LINGO2: variants seen among roughly 807,000 people sequenced by gnomAD.
The protein encoded by LINGO2 is leucine-rich repeat and immunoglobulin-like domain-containing nogo receptor-interacting protein 2.
Under a neutral mutation model 30.6 loss-of-function variants are expected in LINGO2, and 14 were observed. The ratio of observed to expected loss-of-function variants is 0.46; its 90% CI spans 0.30 to 0.72. The LOEUF is 0.72. Ranked by LOEUF, LINGO2 falls within the 30% of genes least tolerant of loss-of-function variation. The probability of loss-of-function intolerance (pLI) is 0.07; values close to 1 mark genes in which losing one functional copy is unlikely to be tolerated. For missense variants in LINGO2, 729 were observed against 751.7 expected, an observed-to-expected ratio of 0.97 and a Z score of 0.35; for synonymous variants, 317 against 288.5, an observed-to-expected ratio of 1.10 and a Z score of -1.00.
chr9:28,326,068 G>A (rs140633022), intron 3 of LINGO2, among the ~76,000 whole-genome samples: 2,398 of 152,236 alleles, frequency 0.016, 16 homozygotes, highest in Non-Finnish European at 0.024. Flanking sequence ...GTGCAGTGGC[G>A]TGATCTTGGC....
intron 4 of LINGO2, among the ~76,000 whole-genome samples, chr9:28,151,606 T>C (rs1233737269): frequency 2.0e-5 from 3 of 151,844 alleles, no homozygotes; most frequent in Non-Finnish European, 4.4e-5. Context: ...AATAGTATTA[T>C]GACTATTTAA....
chr9:27,960,018 C>T (rs1252925550), intron 5 of LINGO2, among the ~76,000 whole-genome samples: 2 of 151,892 alleles, frequency 1.3e-5, no homozygotes, highest in South Asian at 4.2e-4. Context: ...ATATTTGTAT[C>T]TAGTAATGTT....
rs375073572 is a variant in LINGO2 at position 28,433,949 on chromosome 9, CTATATA to C, written c.-279+41985_-279+41990del. Among the ~76,000 whole-genome samples the C allele has an allele frequency of 6.6e-4, 58 of 88,532 alleles. 1 individual carries two copies. Among genetic ancestry groups the C allele is most frequent in the Middle Eastern group, 5.6e-3 (1 of 178 alleles). The allele number at this position is 88,532 out of a possible 152,430, so 58.1% of individuals were successfully genotyped here. The stretch of plus-strand genomic sequence containing the variant: ...TCTCTCTCTCTCTCTCTCTCTCTCT[CTATATA>C]TATATATATATACACACACACACAT... On this transcript the variant is annotated intron_variant, in intron 2 of 5. Transcript: ENST00000379992.
chr9:28,356,451 T>C (rs1184727818), intron 3 of LINGO2, among the ~76,000 whole-genome samples: 1 of 152,124 alleles, frequency 6.6e-6, no homozygotes, highest in Non-Finnish European at 1.5e-5. Flanking sequence ...GTTGAATGAG[T>C]GCCTTATTGT....
chr9:28,737,461 T>G, the LINGO2 span, among the ~76,000 whole-genome samples: 1 of 152,176 alleles, frequency 6.6e-6, no homozygotes, highest in Non-Finnish European at 1.5e-5. Context: ...ATTAGTAAAG[T>G]GGCATATTTA....
chr9:28,148,695 A>T lies in LINGO2; in HGVS notation c.-86-136290T>A. 7 of 1,533,822 alleles carry T rather than the reference A, an allele frequency of 4.6e-6. No individual in the cohort carries two copies. The highest frequency in any genetic ancestry group is 5.2e-6 in the Non-Finnish European group (6 of 1,146,180). On this transcript the variant is annotated intron_variant, in intron 4 of 5. Coordinates refer to ENST00000379992, the Ensembl canonical transcript of LINGO2. This position sits in a 1 kb window ranked among gnomAD's most constrained non-coding sequence, Gnocchi z 5.1. ...GCAGTGAGTTTCTACTCCAACGGCC[A>T]TGGAGTCGCCAGTTCACACAGCCCT...
chr9:28,983,657 T>A, the LINGO2 span, among the ~76,000 whole-genome samples: 2 of 151,982 alleles, frequency 1.3e-5, no homozygotes, highest in African/African-American at 2.4e-5. Context: ...TATTAAATAA[T>A]GTGTTTAAGT....
the LINGO2 span, among the ~76,000 whole-genome samples, chr9:29,051,351 T>A: frequency 6.6e-6 from 1 of 152,178 alleles, no homozygotes; most frequent in Non-Finnish European, 1.5e-5. Flanking sequence ...TCTCCATAAT[T>A]TTGCCTTAGT....
chr9:28,995,034 T>TAAAGAGCTTC, the LINGO2 span, among the ~76,000 whole-genome samples: 6 of 151,762 alleles, frequency 4.0e-5, no homozygotes, highest in African/African-American at 1.5e-4. Flanking sequence ...CTAATTAAAC[T>TAAAGAGCTTC]AAAGAGCTTC....
intron 1 of LINGO2, among the ~76,000 whole-genome samples, chr9:28,660,546 A>T (rs1460550220): frequency 6.6e-6 from 1 of 152,134 alleles, no homozygotes; most frequent in Non-Finnish European, 1.5e-5. Context: ...CAGTAAACAT[A>T]TACTGGTAAA....
Position 28,448,886 on chromosome 9 carries a change from G to A in LINGO2, c.-279+27054C>T, listed in dbSNP as rs150982255. On this transcript the variant is annotated intron_variant, in intron 2 of 5. Coordinates refer to ENST00000379992, the Ensembl canonical transcript of LINGO2. ...AGTTATCCAGTTTGACTAAAATGTAGGACAAGTCAGGGATATATCAAGGGA... is the reference window on the plus strand; with the variant it reads ...AGTTATCCAGTTTGACTAAAATGTAAGACAAGTCAGGGATATATCAAGGGA... Among the ~76,000 whole-genome samples the A allele has an allele frequency of 2.7e-3, 410 of 152,038 alleles. 1 individual carries two copies. Among genetic ancestry groups the A allele is most frequent in the Non-Finnish European group, 3.7e-3 (253 of 67,948 alleles).
intron 4 of LINGO2, among the ~76,000 whole-genome samples, chr9:28,189,988 T>C (rs1819760174): frequency 6.6e-6 from 1 of 152,062 alleles, no homozygotes. Flanking sequence ...CAGGAATACT[T>C]AGACAGGTTG....
At chr9:28,893,478 G>A in the LINGO2 span, among the ~76,000 whole-genome samples, 183 of 151,962 alleles carry the variant, frequency 1.2e-3, 1 homozygote, top group African/African-American at 4.2e-3. Flanking sequence ...AATATAAATT[G>A]CTAAAACCCA....
rs1226534862 is a variant in LINGO2, at chr9:28,147,620, G to C, written c.-86-135215C>G. ...GGGCCGGCCAAGACAGGGCCACTGG[G>C]TGCCAGCCAGCACCTGGGCGAGGTG... On this transcript the variant is annotated intron_variant, in intron 4 of 5. Transcript: ENST00000379992. The surrounding 1 kb of genome is among the most constrained non-coding windows in gnomAD (Gnocchi z 4.7). Among the ~76,000 whole-genome samples the C allele has an allele frequency of 6.6e-6, 1 of 152,122 alleles. No individual in the cohort carries two copies. The highest frequency in any genetic ancestry group is 2.4e-5 in the African/African-American group (1 of 41,452).
intron 4 of LINGO2, 113 bp downstream of exon 6, chr9:28,295,090 CCTGCT>C (rs1181293312): frequency 6.6e-6 from 1 of 152,188 alleles, no homozygotes; most frequent in Non-Finnish European, 1.5e-5. Context: ...TCTTTAACAA[CCTGCT>C]CTGTGGACTT....
At chr9:28,561,782 A>AAATATGCTACTATATATAT in intron 1 of LINGO2, among the ~76,000 whole-genome samples, 1 of 73,606 alleles carries the variant, frequency 1.4e-5, no homozygotes, top group South Asian at 4.2e-4. Flanking sequence ...TATATATATA[A>AAATATGCTACTATATATAT]AAAATATGCT....
chr9:28,639,472 T>A (rs1454385565), intron 1 of LINGO2, among the ~76,000 whole-genome samples: 1 of 152,046 alleles, frequency 6.6e-6, no homozygotes, highest in African/African-American at 2.4e-5. Flanking sequence ...TTTGTAGGTC[T>A]CTAAGGACTT....
chr9:29,113,777 A>T, the LINGO2 span, among the ~76,000 whole-genome samples: 1 of 152,196 alleles, frequency 6.6e-6, no homozygotes, highest in African/African-American at 2.4e-5. Context: ...AAGCATAATC[A>T]AAGCAATAGT....
In LINGO2 at chr9:28,562,132, C is replaced by A. The variant is rs117045584; in HGVS notation, c.-364-86107G>T. 6.7e-3 allele frequency among the ~76,000 whole-genome samples: 1,015 copies of A among 151,982 alleles called. 32 individuals carry two copies. In the East Asian group the frequency reaches 0.073, roughly 11 times the overall value. On this transcript the variant is annotated intron_variant, in intron 1 of 5. Coordinates refer to ENST00000379992, the Ensembl canonical transcript of LINGO2. ...AGGGTCCACATAATATGGTGTGTTACAGTTACTAAAAATGCTCTGCTAATG... is the reference window on the plus strand; with the variant it reads ...AGGGTCCACATAATATGGTGTGTTAAAGTTACTAAAAATGCTCTGCTAATG...
Sources: gnomAD v4.1 joint callset for allele counts (sites outside exome capture counted in the v4.1 genomes callset) on GRCh38, gnomAD v4.1.1 for gene constraint, Gnocchi (gnomAD v3.1) non-coding constraint, MANE v1.5 for transcripts, NCBI Gene and HGNC (gene_info 2026-07-23, HGNC 2026-07-21) for gene names.